CAMK2D: variants seen among roughly 807,000 people sequenced by gnomAD.
The protein encoded by CAMK2D is calcium/calmodulin-dependent protein kinase type II subunit delta.
A neutral mutation model predicts 84.0 loss-of-function variants in CAMK2D; 37 were observed. The observed-to-expected ratio is 0.44, with a 90% confidence interval of 0.34 to 0.58. The LOEUF is 0.58. Among genes scored for constraint, CAMK2D ranks in the 20% least tolerant of loss-of-function variants. The probability of loss-of-function intolerance (pLI) is 0.02; values close to 1 mark genes in which losing one functional copy is unlikely to be tolerated. For missense variants in CAMK2D, 448 were observed against 652.5 expected (o/e 0.69, Z 3.41); for synonymous variants, 202 against 212.5 (o/e 0.95, Z 0.43).
chr4:113,738,336 G>T (rs1235878513), intron 2 of CAMK2D, among the ~76,000 whole-genome samples: 1 of 151,974 alleles, frequency 6.6e-6, no homozygotes. Context: ...ATACAAGATG[G>T]TCTGTAAATG....
chr4:113,750,634 AAG>A (rs1397538389), intron 2 of CAMK2D, among the ~76,000 whole-genome samples: 7 of 152,214 alleles, frequency 4.6e-5, no homozygotes, highest in Non-Finnish European at 7.4e-5. Context: ...CGAGTGCTAA[AAG>A]ATCTAATGAT....
chr4:113,700,753 C>A lies in CAMK2D; in HGVS notation c.161-38981G>T, dbSNP rs75414501. Among the ~76,000 whole-genome samples the A allele has an allele frequency of 1.7e-3, 258 of 152,226 alleles. 2 individuals carry two copies. The highest frequency in any genetic ancestry group is 6.1e-3 in the African/African-American group (252 of 41,540). On this transcript the variant is annotated intron_variant, in intron 2 of 20. Transcript: ENST00000511664. ...AGGAAAAGAAAGCAATCATAGCTAA[C>A]TGGCAAGAATAGGCTCAGCTGTGTC...
At chr4:113,586,875 G>A (rs202106065) in intron 4 of CAMK2D, among the ~76,000 whole-genome samples, 2 of 151,966 alleles carry the variant, frequency 1.3e-5, no homozygotes, top group Admixed American at 6.6e-5. Flanking sequence ...AAAAGAACAG[G>A]GTCATGGAAC....
intron 12 of CAMK2D, among the ~76,000 whole-genome samples, chr4:113,510,961 C>T (rs2098204392): frequency 6.6e-6 from 1 of 152,006 alleles, no homozygotes. Flanking sequence ...TTAAATCAAT[C>T]CTGTGGCAGT....
At chr4:113,752,665 T>G (rs1351582890) in intron 2 of CAMK2D, among the ~76,000 whole-genome samples, 1 of 152,164 alleles carries the variant, frequency 6.6e-6, no homozygotes, top group African/African-American at 2.4e-5. Context: ...AGAAACTTAC[T>G]GTATAGTGAG....
chr4:113,514,190 G>A (rs2098254796), intron 10 of CAMK2D, among the ~76,000 whole-genome samples: 2 of 152,204 alleles, frequency 1.3e-5, no homozygotes, highest in Admixed American at 6.5e-5. Context: ...CAAGGCGGGT[G>A]GATCACGAGG....
chr4:113,705,224 G>A (rs921479063), intron 2 of CAMK2D, among the ~76,000 whole-genome samples: 1 of 151,172 alleles, frequency 6.6e-6, no homozygotes, highest in African/African-American at 2.4e-5. Flanking sequence ...CTACTCTGGA[G>A]GCTGAGGCAG....
In CAMK2D at chr4:113,452,638, CTAAGT is replaced by C. The variant is rs1465860846; in HGVS notation, c.*1902_*1906del. ...TACAGTAATACTTCAACACCACATGCTAAGTTAAAAGTGTAAAAAAAACACTCTAC... is the reference window on the plus strand; with the variant it reads ...TACAGTAATACTTCAACACCACATGCTAAAAGTGTAAAAAAAACACTCTAC... On this transcript the variant is annotated 3_prime_UTR_variant, in exon 21 of 21. Coordinates refer to ENST00000511664, the MANE Select transcript of CAMK2D (RefSeq NM_001321571.2). 6.6e-6 allele frequency: 1 copy of C among 152,174 alleles called. No individual in the cohort carries two copies. Among genetic ancestry groups the C allele is most frequent in the Non-Finnish European group, 1.5e-5 (1 of 67,982 alleles). The allele number at this position is 152,174 out of a possible 1,614,324, so 9.4% of individuals were successfully genotyped here.
At chr4:113,633,359 T>C (rs73843447) in intron 3 of CAMK2D, among the ~76,000 whole-genome samples, 7,379 of 152,240 alleles carry the variant, frequency 0.048, 518 homozygotes, top group African/African-American at 0.15. Context: ...GGTATTAATA[T>C]TTTCAAAGGA....
chr4:113,623,016 C>A (rs1213261366), intron 3 of CAMK2D, among the ~76,000 whole-genome samples: 2 of 152,106 alleles, frequency 1.3e-5, no homozygotes, highest in African/African-American at 4.8e-5. Context: ...GGATACGTAA[C>A]AGAGAACTTA....
intron 3 of CAMK2D, among the ~76,000 whole-genome samples, chr4:113,616,240 G>A (rs1327235700): frequency 1.3e-5 from 2 of 152,012 alleles, no homozygotes; most frequent in Non-Finnish European, 2.9e-5. Flanking sequence ...CATAGGGAAT[G>A]CCATCCATAT....
At chr4:113,510,729 C>G (rs2098200451) in intron 12 of CAMK2D, among the ~76,000 whole-genome samples, 1 of 152,018 alleles carries the variant, frequency 6.6e-6, no homozygotes, top group Admixed American at 6.6e-5. Context: ...GTGGAAATAC[C>G]TAGCTAGAAT....
intron 16 of CAMK2D, among the ~76,000 whole-genome samples, chr4:113,491,546 A>T (rs974624065): frequency 1.1e-4 from 17 of 152,036 alleles, no homozygotes; most frequent in Non-Finnish European, 2.4e-4. Context: ...TCGTTTTGCC[A>T]GTATTTTATT....
intron 2 of CAMK2D, among the ~76,000 whole-genome samples, chr4:113,752,568 G>C (rs2099619789): frequency 6.6e-6 from 1 of 152,160 alleles, no homozygotes; most frequent in Admixed American, 6.5e-5. Context: ...GAGTAGAACA[G>C]CTTTCTGAGT....
Position 113,761,617 on chromosome 4 carries a change from G to A in CAMK2D, c.-549C>T. On this transcript the variant is annotated 5_prime_UTR_variant, in exon 1 of 21. It adds an upstream start codon to the 5' untranslated region. Coordinates refer to ENST00000511664, the MANE Select transcript of CAMK2D (RefSeq NM_001321571.2). ...GGGGCGCGCCGGGGCTCCGACGAGCGTGCGCGCCCGAGGCCGGCTTCCCTC... is the reference window on the plus strand; with the variant it reads ...GGGGCGCGCCGGGGCTCCGACGAGCATGCGCGCCCGAGGCCGGCTTCCCTC... 2.0e-6 allele frequency: 2 copies of A among 985,076 alleles called. No individual in the cohort carries two copies. The highest frequency in any genetic ancestry group is 1.2e-6 in the Non-Finnish European group (1 of 829,814). 61.0% of individuals were successfully genotyped at this position (985,076 alleles called of 1,614,324 possible).
At position 113,615,048 on chromosome 4, in the gene CAMK2D, T is replaced by C. The variant is rs75228887; in HGVS notation, c.221-5842A>G. 4.0e-3 allele frequency among the ~76,000 whole-genome samples: 605 copies of C among 152,264 alleles called. 5 individuals are homozygous for C. The highest frequency in any genetic ancestry group is 0.014 in the African/African-American group (578 of 41,580). On this transcript the variant is annotated intron_variant, in intron 3 of 20. Coordinates refer to ENST00000511664, the MANE Select transcript of CAMK2D (RefSeq NM_001321571.2). Reference sequence around the variant, plus strand: ...GGTTATTAATGAGGCAGAATTTGCATTTTTAGCTTTGCTGTGTTTCAAAGA... The same window carrying C: ...GGTTATTAATGAGGCAGAATTTGCACTTTTAGCTTTGCTGTGTTTCAAAGA...
At chr4:113,623,947 A>G (rs1444292847) in intron 3 of CAMK2D, among the ~76,000 whole-genome samples, 4 of 152,096 alleles carry the variant, frequency 2.6e-5, no homozygotes, top group Admixed American at 2.6e-4. Context: ...CCAGGATTTC[A>G]AGGTCTTCTT....
At chr4:113,646,378 G>A (rs1459818233) in intron 3 of CAMK2D, among the ~76,000 whole-genome samples, 2 of 152,128 alleles carry the variant, frequency 1.3e-5, no homozygotes, top group Non-Finnish European at 2.9e-5. Context: ...CATACTACTG[G>A]GTAGAAAACA....
chr4:113,656,322 G>C (rs1334798105), intron 3 of CAMK2D, among the ~76,000 whole-genome samples: 1 of 152,084 alleles, frequency 6.6e-6, no homozygotes, highest in Non-Finnish European at 1.5e-5. Context: ...AAAGATGCAT[G>C]GTGCTTTCTT....
Sources: allele counts gnomAD v4.1 joint callset (sites outside exome capture counted in the v4.1 genomes callset), GRCh38; gene constraint gnomAD v4.1.1; transcripts MANE v1.5; gene names NCBI Gene and HGNC (gene_info 2026-07-23, HGNC 2026-07-21).